The following CEMIP2 variants were observed in gnomAD, a reference collection of about 807,000 sequenced individuals.
CEMIP2 encodes cell migration inducing hyaluronidase 2.
CEMIP2 carries 79 observed loss-of-function variants against 146.9 expected under a neutral mutation model. That is an observed-to-expected ratio of 0.54 (90% CI 0.45 to 0.65). The LOEUF is 0.65. Ranked by LOEUF, CEMIP2 falls within the 30% of genes least tolerant of loss-of-function variation. The pLI, the probability that CEMIP2 is intolerant of heterozygous loss-of-function variation, is 0.00. For missense variants in CEMIP2, 1,596 were observed against 1,696.2 expected (o/e 0.94, Z 1.04); for synonymous variants, 601 against 606.3 (o/e 0.99, Z 0.13).
At chr9:71,721,521 G>C (rs1440765941) in intron 12 of CEMIP2, among the ~76,000 whole-genome samples, 1 of 152,174 alleles carries the variant, frequency 6.6e-6, no homozygotes, top group Non-Finnish European at 1.5e-5. Flanking sequence ...AGACAAACTA[G>C]ACTTTCCCCA....
At position 71,745,316 on chromosome 9, in the gene CEMIP2, T is replaced by A. The variant is rs776518433; in HGVS notation, c.736A>T (p.Thr246Ser). 8.7e-6 allele frequency: 14 copies of A among 1,613,426 alleles called. No individual in the cohort carries two copies. Among genetic ancestry groups the A allele is most frequent in the Middle Eastern group, 1.6e-4 (1 of 6,078 alleles). The change falls in exon 4 of 24, where the codon ACC (threonine) becomes TCC (serine). Residue 246 changes from threonine (T) to serine (S), a missense_variant. Transcript: ENST00000377044. ...RKASWTLLAR[T>S]LNSSGLPFGS... ...AAGGGCAAGCCTGAGGAATTCAGGG[T>A]CCTTGCCAACAACGTCCACGATGCC...
intron 1 of CEMIP2, among the ~76,000 whole-genome samples, chr9:71,759,076 G>C (rs1001306725): frequency 1.3e-5 from 2 of 152,128 alleles, no homozygotes; most frequent in Non-Finnish European, 2.9e-5. Context: ...AATGTTCAGA[G>C]GTAGAAGGGA....
intron 10 of CEMIP2, among the ~76,000 whole-genome samples, chr9:71,728,230 T>TATATATATATATGTATATA (rs1564012043): frequency 1.9e-4 from 4 of 20,668 alleles, no homozygotes; most frequent in African/African-American, 3.0e-4. Context: ...TCTCTCTCTC[T>TATATATATATATGTATATA]CTATATATAT....
intron 1 of CEMIP2, among the ~76,000 whole-genome samples, chr9:71,756,790 G>A (rs1301673874): frequency 6.6e-6 from 1 of 152,110 alleles, no homozygotes; most frequent in African/African-American, 2.4e-5. Context: ...TAAAGATAAA[G>A]AGCAGCAAAC....
chr9:71,750,974 G>A (rs1266006036), intron 1 of CEMIP2, among the ~76,000 whole-genome samples: 2 of 151,338 alleles, frequency 1.3e-5, no homozygotes, highest in Admixed American at 6.6e-5. Context: ...CTCAAACTCC[G>A]GAGCTCAAGT....
intron 16 of CEMIP2, 120 bp from the exon 17 acceptor site, chr9:71,709,594 T>C (rs776019072): frequency 3.5e-5 from 28 of 789,730 alleles, no homozygotes; most frequent in African/African-American, 6.9e-5. Context: ...AGTTCTGAGT[T>C]ACAGTTCATA....
Position 71,745,054 on chromosome 9 carries a change from C to A in CEMIP2, c.998G>T (p.Arg333Leu). ...TCCTTGGATCAGTTCACTTCCCAAC[C>A]GTTCCTGGATCATCTGGATGGTTCC... ...LQGTIQMIQE[R>L]LGSELIQGLG... Residue 333 changes from arginine to leucine, a missense_variant, in exon 4 of 24, where the codon CGG becomes CTG. Coordinates refer to ENST00000377044, the MANE Select transcript of CEMIP2 (RefSeq NM_013390.3). The A allele has an allele frequency of 1.9e-6, 3 of 1,614,090 alleles. No individual in the cohort carries two copies. Among genetic ancestry groups the A allele is most frequent in the South Asian group, 1.1e-5 (1 of 91,086 alleles).
rs1823122729 is a variant in CEMIP2 at position 71,718,101 on chromosome 9, T to C, written c.2268-22A>G. 7 of 1,586,802 alleles carry C rather than the reference T, an allele frequency of 4.4e-6. No individual in the cohort carries two copies. The East Asian group carries it at 1.6e-4, about 36-fold the overall frequency. On this transcript the variant is annotated intron_variant, in intron 12 of 23. Coordinates refer to ENST00000377044, the MANE Select transcript of CEMIP2 (RefSeq NM_013390.3). ...AAATCTAGGGGTTAAAAAAAGAATT[T>C]TAAAAAATATAACATAAAAGCCATA... is the stretch of plus-strand genomic sequence containing the variant.
chr9:71,757,584 A>C (rs2177545), intron 1 of CEMIP2, among the ~76,000 whole-genome samples: 151,754 of 152,288 alleles, frequency 1, 75,616 homozygotes, highest in Middle Eastern at 1. Flanking sequence ...AAAACAGATG[A>C]TACTATAATT....
At chr9:71,755,961 C>CAA (rs55972127) in intron 1 of CEMIP2, among the ~76,000 whole-genome samples, 3,780 of 52,662 alleles carry the variant, frequency 0.072, 810 homozygotes, top group African/African-American at 0.15. Context: ...CTCTGTCTCA[C>CAA]AAAAAAAAAA....
intron 1 of CEMIP2, among the ~76,000 whole-genome samples, chr9:71,762,847 CA>C (rs557940480): frequency 6.6e-6 from 1 of 151,708 alleles, no homozygotes; most frequent in Non-Finnish European, 1.5e-5. Flanking sequence ...CCTATCTCTA[CA>C]AAAAAATATA....
chr9:71,722,370 G>A (rs1823257447), intron 12 of CEMIP2, 57 bp downstream of exon 12: 2 of 1,327,656 alleles, frequency 1.5e-6, no homozygotes, highest in Admixed American at 4.3e-5. Flanking sequence ...ACTCCAGTTA[G>A]AAAGTTTTGC....
chr9:71,769,416 C>T (rs1461108947), upstream of CEMIP2, among the ~76,000 whole-genome samples: 1 of 152,248 alleles, frequency 6.6e-6, no homozygotes, highest in Non-Finnish European at 1.5e-5. Context: ...TCAGAAGAAC[C>T]AGCCTGCTCT....
At position 71,730,820 on chromosome 9, in the gene CEMIP2, A is replaced by T; in HGVS notation, c.1658T>A (p.Leu553Gln). The change falls in exon 8 of 24, where the codon CTG becomes CAG. Residue 553 changes from leucine (L) to glutamine (Q), a missense_variant. Transcript: ENST00000377044. ...QMGRYPVHFH[L>Q]CGDVDYKGGY... Reference sequence around the variant, plus strand: ...TCCTTTATAATCCACGTCACCACACAGGTGAAAATGAACAGGGTATCGCCC... The same window carrying T: ...TCCTTTATAATCCACGTCACCACACTGGTGAAAATGAACAGGGTATCGCCC... 6.2e-7 allele frequency: 1 copy of T among 1,614,198 alleles called. No homozygotes were observed.
intron 4 of CEMIP2, among the ~76,000 whole-genome samples, chr9:71,741,631 G>GTTTTTTTTTTTTTTTTTTTTTTTT (rs11334265): frequency 2.7e-5 from 2 of 73,122 alleles, no homozygotes; most frequent in Non-Finnish European, 2.4e-5. Context: ...TTCTTTTCTG[G>GTTTTTTTTTTTTTTTTTTTTTTTT]TTTTTTTTTT....
At chr9:71,756,027 T>G (rs553727596) in intron 1 of CEMIP2, among the ~76,000 whole-genome samples, 1 of 150,128 alleles carries the variant, frequency 6.7e-6, no homozygotes, top group South Asian at 2.1e-4. Flanking sequence ...GCCTTATGTT[T>G]CAGTTAATTT....
intron 1 of CEMIP2, among the ~76,000 whole-genome samples, chr9:71,764,922 T>C (rs1824744421): frequency 6.6e-6 from 1 of 151,582 alleles, no homozygotes; most frequent in South Asian, 2.1e-4. Flanking sequence ...TTTCTTCCTT[T>C]TTTTTTTTTT....
chr9:71,685,445 C>T (rs1323686805), intron 23 of CEMIP2, 52 bp from the exon 24 acceptor site: 41 of 1,399,546 alleles, frequency 2.9e-5, no homozygotes, highest in Non-Finnish European at 3.8e-5. Flanking sequence ...TTTATAGCTA[C>T]ATTCCAGCAA....
At chr9:71,751,411 G>A (rs139098939) in intron 1 of CEMIP2, among the ~76,000 whole-genome samples, 13 of 152,294 alleles carry the variant, frequency 8.5e-5, no homozygotes, top group Non-Finnish European at 1.5e-4. Flanking sequence ...ACCCGCTAAG[G>A]TGAATGCTCA....
Sources: gnomAD v4.1 joint callset for allele counts (sites outside exome capture counted in the v4.1 genomes callset) on GRCh38, gnomAD v4.1.1 for gene constraint, MANE v1.5 for transcripts, NCBI Gene and HGNC (gene_info 2026-07-23, HGNC 2026-07-21) for gene names.